RIT2: variants seen among roughly 807,000 people sequenced by gnomAD.
RIT2 encodes GTP-binding protein Rit2.
Under a neutral mutation model 23.7 loss-of-function variants are expected in RIT2, and 24 were observed. The observed-to-expected ratio is 1.01, with a 90% confidence interval of 0.73 to 1.43. RIT2 has a LOEUF of 1.43. Ranked by LOEUF, RIT2 falls within the 40% of genes most tolerant of loss-of-function variation. The probability of loss-of-function intolerance (pLI) is 0.00; values close to 1 mark genes in which losing one functional copy is unlikely to be tolerated. For synonymous variants in RIT2, 107 were observed against 91.1 expected, an observed-to-expected ratio of 1.17 and a Z score of -0.99; for missense variants, 236 against 266.9, an observed-to-expected ratio of 0.88 and a Z score of 0.81.
At chr18:42,818,963 G>C (rs1906071449) in intron 4 of RIT2, among the ~76,000 whole-genome samples, 1 of 151,990 alleles carries the variant, frequency 6.6e-6, no homozygotes, top group South Asian at 2.1e-4. Flanking sequence ...TCCTTTCTCT[G>C]TTACAAGTGC....
At chr18:42,886,524 G>A (rs1046807493) in intron 4 of RIT2, among the ~76,000 whole-genome samples, 1 of 152,184 alleles carries the variant, frequency 6.6e-6, no homozygotes, top group Non-Finnish European at 1.5e-5. Context: ...TGGTCAAGTA[G>A]GTCTGCCAGA....
At chr18:42,795,347 C>A (rs1905309304) in intron 4 of RIT2, among the ~76,000 whole-genome samples, 1 of 152,204 alleles carries the variant, frequency 6.6e-6, no homozygotes, top group Admixed American at 6.5e-5. Context: ...ACCCTGCCAG[C>A]CCCGGGCAAT....
chr18:42,981,903 T>C (rs1240381724), intron 2 of RIT2, among the ~76,000 whole-genome samples: 1 of 152,100 alleles, frequency 6.6e-6, no homozygotes, highest in Non-Finnish European at 1.5e-5. Context: ...GTGAAATGTA[T>C]AAACACATAT....
At chr18:43,044,278 G>T (rs561192953) in intron 1 of RIT2, among the ~76,000 whole-genome samples, 1 of 152,104 alleles carries the variant, frequency 6.6e-6, no homozygotes, top group Non-Finnish European at 1.5e-5. Flanking sequence ...CCACTTTAAT[G>T]ACAGCTTTCA....
chr18:42,851,443 C>T (rs145211888), intron 4 of RIT2, among the ~76,000 whole-genome samples: 46 of 152,292 alleles, frequency 3.0e-4, no homozygotes, highest in African/African-American at 1.1e-3. Context: ...GGAGGATTCT[C>T]AAAACATGTG....
chr18:42,920,130 C>A (rs1369349917), intron 4 of RIT2, among the ~76,000 whole-genome samples: 1 of 152,146 alleles, frequency 6.6e-6, no homozygotes, highest in African/African-American at 2.4e-5. Flanking sequence ...CCACTCCAAA[C>A]CCAAAGAATT....
chr18:42,800,853 ACTCT>A (rs1167756035), intron 4 of RIT2, among the ~76,000 whole-genome samples: 1 of 149,646 alleles, frequency 6.7e-6, no homozygotes, highest in African/African-American at 2.5e-5. Context: ...TCTCCTCCAA[ACTCT>A]CTTATGTTTT....
chr18:42,935,497 A>G (rs1598721504), intron 3 of RIT2, among the ~76,000 whole-genome samples: 1 of 152,142 alleles, frequency 6.6e-6, no homozygotes, highest in East Asian at 1.9e-4. Context: ...GGACTCACCC[A>G]TCCAGCACTT....
chr18:43,033,741 C>T lies in RIT2; in HGVS notation c.160+70G>A, dbSNP rs937708326. On this transcript the variant is annotated intron_variant, in intron 2 of 4. Transcript: ENST00000326695. Reference sequence around the variant, plus strand: ...TTATATTTATTTTCCATCAACATTGCTATTATTTTCAAGCCACTTAGTCAC... The same window carrying T: ...TTATATTTATTTTCCATCAACATTGTTATTATTTTCAAGCCACTTAGTCAC... 7.3e-5 allele frequency: 74 copies of T among 1,011,906 alleles called. 1 individual carries two copies. The highest frequency in any genetic ancestry group is 1.0e-4 in the Non-Finnish European group (67 of 647,126). 62.7% of individuals were successfully genotyped at this position (1,011,906 alleles called of 1,614,324 possible).
intron 2 of RIT2, among the ~76,000 whole-genome samples, chr18:42,991,940 T>C (rs1356885239): frequency 6.6e-6 from 1 of 152,162 alleles, no homozygotes; most frequent in Non-Finnish European, 1.5e-5. Flanking sequence ...TGTGGTCTCT[T>C]CACACAGATG....
Position 42,785,758 on chromosome 18 carries a change from T to C in RIT2, c.427-42038A>G, listed in dbSNP as rs972734520. ...TGTGGGGATGGTGAACTAAATGAGA[T>C]GGCAGGCAACACACAGGGTAGCGTG... is the stretch of plus-strand genomic sequence containing the variant. On this transcript the variant is annotated intron_variant, in intron 4 of 4. Coordinates refer to ENST00000326695, the MANE Select transcript of RIT2 (RefSeq NM_002930.4). Among the ~76,000 whole-genome samples, 9 of 152,228 alleles carry C rather than the reference T, an allele frequency of 5.9e-5. No homozygotes were observed. The South Asian group carries it at 1.7e-3, about 28-fold the overall frequency.
At chr18:42,948,437 C>T (rs879919033) in intron 3 of RIT2, among the ~76,000 whole-genome samples, 2 of 151,966 alleles carry the variant, frequency 1.3e-5, no homozygotes, top group Non-Finnish European at 2.9e-5. Flanking sequence ...CAGTATTCAT[C>T]CTAGGGCCAG....
At chr18:42,932,136 C>T (rs1346789567) in intron 3 of RIT2, among the ~76,000 whole-genome samples, 1 of 152,170 alleles carries the variant, frequency 6.6e-6, no homozygotes, top group Non-Finnish European at 1.5e-5. Context: ...AGCACTCCCT[C>T]ATGATAGAAA....
intron 1 of RIT2, among the ~76,000 whole-genome samples, chr18:43,092,025 C>T (rs546337954): frequency 1.2e-3 from 185 of 152,184 alleles, no homozygotes; most frequent in African/African-American, 2.5e-3. Context: ...ATAATTTTAA[C>T]GGTAACTGTG....
At chr18:42,943,779 A>G (rs757336486) in intron 3 of RIT2, among the ~76,000 whole-genome samples, 3 of 152,158 alleles carry the variant, frequency 2.0e-5, no homozygotes, top group Non-Finnish European at 4.4e-5. Context: ...CCTGTCAATG[A>G]CACTAGGACA....
At chr18:43,070,408 G>A (rs534064763) in intron 1 of RIT2, among the ~76,000 whole-genome samples, 1 of 152,266 alleles carries the variant, frequency 6.6e-6, no homozygotes, top group South Asian at 2.1e-4. Context: ...TTAATGGCAA[G>A]CTATAATGGA....
At chr18:42,901,700 G>A (rs898261240) in intron 4 of RIT2, among the ~76,000 whole-genome samples, 1 of 151,966 alleles carries the variant, frequency 6.6e-6, no homozygotes. Context: ...AAACCATGCT[G>A]TTTTGCTAAA....
At chr18:42,919,595 T>A (rs972191867) in intron 4 of RIT2, among the ~76,000 whole-genome samples, 10 of 151,982 alleles carry the variant, frequency 6.6e-5, no homozygotes, top group African/African-American at 2.2e-4. Context: ...GCACCTGTAA[T>A]CCCAGCTACG....
At chr18:42,940,102 T>C (rs1056570400) in intron 3 of RIT2, among the ~76,000 whole-genome samples, 4 of 151,390 alleles carry the variant, frequency 2.6e-5, no homozygotes, top group Non-Finnish European at 4.4e-5. Context: ...TATGCCCCCA[T>C]GCATTTGTTT....
Sources: allele counts gnomAD v4.1 joint callset (sites outside exome capture counted in the v4.1 genomes callset), GRCh38; gene constraint gnomAD v4.1.1; transcripts MANE v1.5; gene names NCBI Gene and HGNC (gene_info 2026-07-23, HGNC 2026-07-21).